COL4A5: variants seen among roughly 807,000 people sequenced by gnomAD.
COL4A5 encodes collagen type IV alpha 5 chain.
In COL4A5, 26 loss-of-function variants were observed where a neutral mutation model predicts 130.2. The ratio of observed to expected loss-of-function variants is 0.20; its 90% CI spans 0.15 to 0.28. The LOEUF is 0.28. COL4A5 is among the 10% of genes least tolerant of loss of function. The pLI is 1.00. For missense variants in COL4A5, 1,131 were observed against 1,344.3 expected (o/e 0.84, Z 2.48); for synonymous variants, 496 against 439.6 (o/e 1.13, Z -1.60).
chrX:108,689,091 C>T (rs769307882), intron 49 of COL4A5, among the ~76,000 whole-genome samples: 1 of 111,363 alleles, frequency 9.0e-6, no homozygotes, highest in South Asian at 3.8e-4. Context: ...TCCTTTTTCT[C>T]CTTTTCAACT....
At chrX:108,610,896 A>G (rs746250325) in intron 29 of COL4A5, among the ~76,000 whole-genome samples, 5 of 111,818 alleles carry the variant, frequency 4.5e-5, no homozygotes, top group African/African-American at 1.6e-4. Context: ...TAGAAGCTCA[A>G]ATGCATAGTT....
chrX:108,491,058 G>T (rs1407629009), intron 1 of COL4A5, among the ~76,000 whole-genome samples: 3 of 111,876 alleles, frequency 2.7e-5, no homozygotes, highest in African/African-American at 9.7e-5. Context: ...TCACGGATGG[G>T]GATTTAGGTT....
At chrX:108,619,686 T>A (rs2067000412) in intron 30 of COL4A5, among the ~76,000 whole-genome samples, 1 of 111,823 alleles carries the variant, frequency 8.9e-6, no homozygotes, top group African/African-American at 3.2e-5. Context: ...TAAAATACAA[T>A]TTAAGAAGTC....
chrX:108,632,524 C>A (rs776112223), intron 36 of COL4A5, among the ~76,000 whole-genome samples: 8 of 110,149 alleles, frequency 7.3e-5, no homozygotes, highest in African/African-American at 2.6e-4. Flanking sequence ...AGAGACACAA[C>A]AAAAAAAAGA....
intron 1 of COL4A5, among the ~76,000 whole-genome samples, chrX:108,510,388 G>C (rs965435209): frequency 6.3e-5 from 7 of 111,195 alleles, no homozygotes; most frequent in African/African-American, 2.3e-4. Flanking sequence ...AGTTTATACT[G>C]ATACTTGCAA....
At chrX:108,667,714 T>G (rs184238331) in intron 40 of COL4A5, among the ~76,000 whole-genome samples, 158 of 110,462 alleles carry the variant, frequency 1.4e-3, no homozygotes, top group Admixed American at 2.2e-3. Flanking sequence ...TATGGAGACT[T>G]TTCTCAAACC....
At chrX:108,537,548 G>A (rs1367931417) in intron 1 of COL4A5, among the ~76,000 whole-genome samples, 1 of 111,392 alleles carries the variant, frequency 9.0e-6, no homozygotes, top group African/African-American at 3.3e-5. Context: ...TATAAAGAAA[G>A]GTCACATAGA....
At chrX:108,662,594 G>C (rs754175804) in intron 37 of COL4A5, among the ~76,000 whole-genome samples, 6 of 111,546 alleles carry the variant, frequency 5.4e-5, no homozygotes, top group Non-Finnish European at 1.1e-4. Context: ...GCCAAATTAT[G>C]AGTGAACTCC....
At chrX:108,499,310 A>T (rs1030829159) in intron 1 of COL4A5, among the ~76,000 whole-genome samples, 16 of 111,547 alleles carry the variant, frequency 1.4e-4, no homozygotes, top group African/African-American at 4.9e-4. Context: ...CATTTTGGGG[A>T]TTAAATTCTA....
In COL4A5 at chrX:108,684,208, G is replaced by A. The variant is rs751065829; in HGVS notation, c.4217-1823G>A. ...CCTTATATCAAAATTAAAAGAACTA[G>A]AGAAGCAAGAACAAACAAATTAAAA... On this transcript the variant is annotated intron_variant, in intron 47 of 52. Coordinates refer to ENST00000328300, the MANE Select transcript of COL4A5 (RefSeq NM_033380.3). Among the ~76,000 whole-genome samples, 9 of 111,099 alleles carry A rather than the reference G, an allele frequency of 8.1e-5. No homozygotes were observed. The South Asian group carries it at 3.1e-3, about 38-fold the overall frequency.
At chrX:108,683,076 G>A (rs1345713031) in intron 47 of COL4A5, among the ~76,000 whole-genome samples, 1 of 111,880 alleles carries the variant, frequency 8.9e-6, no homozygotes, top group Admixed American at 9.5e-5. Context: ...TTTGTATAAG[G>A]TGTAAGGAAG....
At position 108,597,048 on chromosome X, in the gene COL4A5, A is replaced by G; in HGVS notation, c.1567A>G (p.Thr523Ala). 1 of 1,193,513 alleles carries G rather than the reference A, an allele frequency of 8.4e-7. No individual in the cohort carries two copies. The highest frequency in any genetic ancestry group is 1.1e-6 in the Non-Finnish European group (1 of 884,231). Residue 523 changes from threonine (T) to alanine (A), a missense_variant, in exon 23 of 53, where the codon ACT becomes GCT. Physicochemically the swap from Thr to Ala is moderately conservative, Grantham distance 58. Transcript: ENST00000328300. ...AGGGGAAAAAGGACAAGCTGGTGCA[A>G]CTGGTCCCAAAGGATTACCAGTAAG... The part of the protein sequence containing the change: ...QKGEKGQAGA[T>A]GPKGLPGIPG...
intron 2 of COL4A5, 64 bp downstream of exon 2, chrX:108,539,869 A>G: frequency 1.1e-6 from 1 of 939,461 alleles, no homozygotes; most frequent in Non-Finnish European, 1.5e-6. Flanking sequence ...TTTAATAAAT[A>G]TTTTTTTAAA....
chrX:108,607,753 A>G (rs1319209498), intron 29 of COL4A5, among the ~76,000 whole-genome samples: 1 of 111,265 alleles, frequency 9.0e-6, no homozygotes, highest in African/African-American at 3.3e-5. Context: ...AAGTGTTGGG[A>G]TCCTTCTGGT....
At chrX:108,597,248 A>G (rs2066534299) in intron 23 of COL4A5, 129 bp from the exon 24 acceptor site, 1 of 785,063 alleles carries the variant, frequency 1.3e-6, no homozygotes, top group Non-Finnish European at 1.9e-6. Context: ...CCCTTTGTAC[A>G]TTAAATGTTA....
In COL4A5 at chrX:108,582,948, T is replaced by G; in HGVS notation, c.990+11T>G. On this transcript the variant is annotated intron_variant, in intron 17 of 52. Coordinates refer to ENST00000328300, the MANE Select transcript of COL4A5 (RefSeq NM_033380.3). ...AGGGATGGTGAAAAGGTAAGAATTT[T>G]AATACTTTGAAGTGACTGGTTTAGT... 8.5e-7 allele frequency: 1 copy of G among 1,177,481 alleles called. No homozygotes were observed. Among genetic ancestry groups the G allele is most frequent in the Non-Finnish European group, 1.2e-6 (1 of 864,362 alleles).
At chrX:108,546,020 T>A (rs184897469) in intron 2 of COL4A5, among the ~76,000 whole-genome samples, 25 of 111,838 alleles carry the variant, frequency 2.2e-4, no homozygotes, top group African/African-American at 6.8e-4. Context: ...ATGAGATGGG[T>A]CTCCTGAATA....
chrX:108,582,719 G>C, intron 16 of COL4A5, 165 bp from the exon 17 acceptor site: 1 of 221,457 alleles, frequency 4.5e-6, no homozygotes. Context: ...TTTTTTCTGA[G>C]AAAACACTCC....
At position 108,580,618 on chromosome X, in the gene COL4A5, A is replaced by T. The variant is rs371300015; in HGVS notation, c.834+32A>T. 2.6e-5 allele frequency: 31 copies of T among 1,196,508 alleles called. No individual in the cohort carries two copies. In the African/African-American group the frequency reaches 3.5e-4, roughly 14 times the overall value. ...ACCTAAAGTGCTTTAGCATCATTTA[A>T]TGTAAATTGGTATTGGTACACAGTA... is the stretch of plus-strand genomic sequence containing the variant. On this transcript the variant is annotated intron_variant, in intron 14 of 52. Coordinates refer to ENST00000328300, the MANE Select transcript of COL4A5 (RefSeq NM_033380.3).
Sources: gnomAD v4.1 joint callset for allele counts (sites outside exome capture counted in the v4.1 genomes callset) on GRCh38, gnomAD v4.1.1 for gene constraint, MANE v1.5 for transcripts, NCBI Gene and HGNC (gene_info 2026-07-23, HGNC 2026-07-21) for gene names.